HIVEP3: variants seen among roughly 807,000 people sequenced by gnomAD.
HIVEP3 encodes transcription factor HIVEP3.
In HIVEP3, 49 loss-of-function variants were observed where a neutral mutation model predicts 152.8. The ratio of observed to expected loss-of-function variants is 0.32; its 90% CI spans 0.26 to 0.41. HIVEP3 has a LOEUF of 0.41. Ranked by LOEUF, HIVEP3 falls within the 10% of genes least tolerant of loss-of-function variation. The probability of loss-of-function intolerance (pLI) is 1.00; values close to 1 mark genes in which losing one functional copy is unlikely to be tolerated. For synonymous variants in HIVEP3, 1,269 were observed against 1,289.0 expected, an observed-to-expected ratio of 0.98 and a Z score of 0.33; for missense variants, 2,790 against 3,103.3, an observed-to-expected ratio of 0.90 and a Z score of 2.40.
chr1:41,802,609 T>C (rs1650371295), intron 1 of HIVEP3, among the ~76,000 whole-genome samples: 1 of 152,196 alleles, frequency 6.6e-6, no homozygotes, highest in Admixed American at 6.5e-5. Context: ...CTCCAAGGCA[T>C]TGCCAAAGTG....
At chr1:41,727,018 C>T (rs372121297) in intron 1 of HIVEP3, among the ~76,000 whole-genome samples, 3 of 152,134 alleles carry the variant, frequency 2.0e-5, no homozygotes, top group Non-Finnish European at 4.4e-5. Flanking sequence ...TGTCTCAGCG[C>T]GGGAGGCACA....
chr1:41,990,831 C>T (rs1454661544), intron 1 of HIVEP3, among the ~76,000 whole-genome samples: 1 of 117,294 alleles, frequency 8.5e-6, no homozygotes, highest in African/African-American at 3.4e-5. Flanking sequence ...CAAACTAGAA[C>T]TCAGGATTAA....
chr1:41,816,197 T>C (rs574406202), intron 1 of HIVEP3, among the ~76,000 whole-genome samples: 2 of 152,270 alleles, frequency 1.3e-5, no homozygotes, highest in East Asian at 3.9e-4. Flanking sequence ...CACATAAAGA[T>C]AACATGGAGA....
rs1558047569 is a variant in HIVEP3, at chr1:41,545,039, T to TCACCACCACC, written c.5208-20130_5208-20129insGGTGGTGGTG. On this transcript the variant is annotated intron_variant, in intron 5 of 8. Transcript: ENST00000372583. ...CCACTACCACCACCACCACCACCAA[T>TCACCACCACC]ACCACTACCACCACCATCACTACCA... Among the ~76,000 whole-genome samples the TCACCACCACC allele has an allele frequency of 9.0e-4, 16 of 17,842 alleles. 1 individual carries two copies. Among genetic ancestry groups the TCACCACCACC allele is most frequent in the Non-Finnish European group, 1.3e-3 (10 of 7,762 alleles). 11.7% of individuals were successfully genotyped at this position (17,842 alleles called of 152,430 possible). A position where few individuals can be genotyped will look rare whatever the true frequency, so the allele number is the denominator to read the frequency against.
chr1:41,657,389 G>T (rs1452380693), intron 2 of HIVEP3, among the ~76,000 whole-genome samples: 1 of 152,184 alleles, frequency 6.6e-6, no homozygotes, highest in Non-Finnish European at 1.5e-5. Context: ...TCTCCATGGA[G>T]CAATGGTTAT....
intron 1 of HIVEP3, among the ~76,000 whole-genome samples, chr1:41,806,433 C>T (rs530091922): frequency 9.8e-5 from 15 of 152,346 alleles, no homozygotes; most frequent in African/African-American, 1.7e-4. Flanking sequence ...GGCCCAGCCC[C>T]GGCATGGAGC....
chr1:41,665,186 G>A (rs1039609881), intron 2 of HIVEP3, among the ~76,000 whole-genome samples: 12 of 152,160 alleles, frequency 7.9e-5, no homozygotes, highest in African/African-American at 2.9e-4. Context: ...GAAAGAAGGT[G>A]GGGGCAGACA....
chr1:41,836,611 C>T (rs1022660179), intron 1 of HIVEP3, among the ~76,000 whole-genome samples: 2 of 152,256 alleles, frequency 1.3e-5, no homozygotes, highest in African/African-American at 4.8e-5. Context: ...TGGATTCCCA[C>T]ACTACTCCAA....
intron 2 of HIVEP3, among the ~76,000 whole-genome samples, chr1:41,675,294 C>T (rs917958886): frequency 1.3e-5 from 2 of 152,150 alleles, no homozygotes; most frequent in African/African-American, 4.8e-5. Context: ...TCTTTCGGTG[C>T]CCCCTGCCTC....
chr1:42,022,974 GT>G (rs1645562824), intron 1 of HIVEP3, among the ~76,000 whole-genome samples: 1 of 152,070 alleles, frequency 6.6e-6, no homozygotes, highest in African/African-American at 2.4e-5. Context: ...TTTCATAGTA[GT>G]TTTTCTTTTA....
chr1:41,726,621 G>A (rs955730501), intron 1 of HIVEP3, among the ~76,000 whole-genome samples: 1 of 152,136 alleles, frequency 6.6e-6, no homozygotes, highest in African/African-American at 2.4e-5. Context: ...AACTGCTCTG[G>A]GATACTGGGA....
At position 41,581,029 on chromosome 1, in the gene HIVEP3, G is replaced by A. The variant is rs777118861; in HGVS notation, c.3769C>T (p.His1257Tyr). The A allele has an allele frequency of 1.3e-6, 2 of 1,556,616 alleles. No individual in the cohort carries two copies. The highest frequency in any genetic ancestry group is 4.5e-5 in the East Asian group (2 of 44,412). ...AGGCTGGTTTTGATCTGGGGCAGAT[G>A]GCTTTCCACATCACCAGGGAGCTGA... ...ALQLPGDVES[H>Y]LPQIKTSLAP... The change falls in exon 4 of 9, where the codon CAT (histidine) becomes TAT (tyrosine). Residue 1257 changes from histidine to tyrosine, a missense_variant. Around this residue, in one of 9 missense-constraint regions of HIVEP3, gnomAD observed 1,078 missense variants for 1,165.3 expected, o/e 0.93. Transcript: ENST00000372583. This position sits in a 1 kb window ranked among gnomAD's most constrained non-coding sequence, Gnocchi z 4.5.
intron 1 of HIVEP3, among the ~76,000 whole-genome samples, chr1:41,792,348 A>G (rs1160815697): frequency 6.6e-6 from 1 of 152,220 alleles, no homozygotes; most frequent in Non-Finnish European, 1.5e-5. Context: ...ATTCTGCCCT[A>G]GGAGGCACCA....
intron 1 of HIVEP3, among the ~76,000 whole-genome samples, chr1:42,030,670 G>A (rs1051294607): frequency 1.6e-4 from 25 of 152,008 alleles, no homozygotes; most frequent in Non-Finnish European, 3.5e-4. Flanking sequence ...GTTTTCCTCC[G>A]GGGAGGCCCA....
At position 41,582,112 on chromosome 1, in the gene HIVEP3, G is replaced by A. The variant is rs754677498; in HGVS notation, c.2686C>T (p.Leu896Phe). The change falls in exon 4 of 9, where the codon CTC becomes TTC. Residue 896 changes from leucine (L) to phenylalanine (F), a missense_variant. Leu to Phe is a conservative substitution (Grantham distance 22, BLOSUM62 0). Transcript: ENST00000372583. This position sits in a 1 kb window ranked among gnomAD's most constrained non-coding sequence, Gnocchi z 4.7. ...WPQRSQTLAQ[L>F]PAEKLPPKKK... ...TTGGGTGGCAGCTTCTCAGCTGGGAGCTGGGCAAGTGTCTGGCTGCGCTGG... is the reference window on the plus strand; with the variant it reads ...TTGGGTGGCAGCTTCTCAGCTGGGAACTGGGCAAGTGTCTGGCTGCGCTGG... The A allele has an allele frequency of 1.2e-5, 19 of 1,614,066 alleles. No individual in the cohort carries two copies. The highest frequency in any genetic ancestry group is 1.7e-5 in the Admixed American group (1 of 60,004).
chr1:41,678,321 C>T (rs916714762), intron 2 of HIVEP3, among the ~76,000 whole-genome samples: 4 of 152,182 alleles, frequency 2.6e-5, no homozygotes, highest in Non-Finnish European at 5.9e-5. Flanking sequence ...GGCAGCTGGC[C>T]ACCAGACCCA....
At chr1:41,527,219 CACACTCA>C (rs1642993299) in intron 5 of HIVEP3, among the ~76,000 whole-genome samples, 1 of 55,686 alleles carries the variant, frequency 1.8e-5, no homozygotes, top group African/African-American at 4.8e-5. Flanking sequence ...CTCACCCTCA[CACACTCA>C]CCCTCACACA....
At chr1:41,631,959 C>T (rs1645201509) in intron 2 of HIVEP3, among the ~76,000 whole-genome samples, 1 of 152,172 alleles carries the variant, frequency 6.6e-6, no homozygotes, top group South Asian at 2.1e-4. Flanking sequence ...TACTCACCTC[C>T]CTCTGCAATC....
At chr1:41,982,728 G>A (rs983038427) in intron 1 of HIVEP3, among the ~76,000 whole-genome samples, 1 of 152,120 alleles carries the variant, frequency 6.6e-6, no homozygotes, top group Admixed American at 6.5e-5. Context: ...AATAGGAGGT[G>A]TATTATTAAA....
Sources: gnomAD v4.1 joint callset for allele counts (sites outside exome capture counted in the v4.1 genomes callset) on GRCh38, gnomAD v4.1.1 for gene constraint, gnomAD v4.1.1 regional missense constraint, Gnocchi (gnomAD v3.1) non-coding constraint, MANE v1.5 for transcripts, NCBI Gene and HGNC (gene_info 2026-07-23, HGNC 2026-07-21) for gene names.